Variants in ARHGAP10 observed in about 807,000 individuals in gnomAD.
ARHGAP10 encodes the protein Rho GTPase activating protein 10, also known as rho GTPase-activating protein 10.
A neutral mutation model predicts 108.6 loss-of-function variants in ARHGAP10; 87 were observed. That is an observed-to-expected ratio of 0.80 (90% CI 0.67 to 0.96). The LOEUF (loss-of-function observed/expected upper bound fraction) is 0.96, where lower values mean the gene tolerates loss of function less well. Among genes scored for constraint, ARHGAP10 ranks in the 40% least tolerant of loss-of-function variants. ARHGAP10 has a pLI of 0.00. For missense variants in ARHGAP10, 939 were observed against 954.5 expected (o/e 0.98, Z 0.21); for synonymous variants, 347 against 341.1 (o/e 1.02, Z -0.19).
At chr4:147,910,301 G>A (rs1218426280) in intron 12 of ARHGAP10, among the ~76,000 whole-genome samples, 1 of 151,838 alleles carries the variant, frequency 6.6e-6, no homozygotes, top group Non-Finnish European at 1.5e-5. Context: ...GAGATTACAG[G>A]CGTGAGTCAC....
At chr4:148,032,334 C>T (rs1461567045) in intron 19 of ARHGAP10, among the ~76,000 whole-genome samples, 3 of 43,362 alleles carry the variant, frequency 6.9e-5, no homozygotes, top group African/African-American at 2.9e-4. Flanking sequence ...CTGTCCCCCC[C>T]CCCCCCCCCC....
At chr4:147,778,431 G>A (rs1376800679) in intron 1 of ARHGAP10, among the ~76,000 whole-genome samples, 13 of 152,148 alleles carry the variant, frequency 8.5e-5, no homozygotes. Context: ...TCACAGTCCT[G>A]TTGGAGACCT....
intron 1 of ARHGAP10, among the ~76,000 whole-genome samples, chr4:147,802,273 CAT>C (rs1560766698): frequency 6.6e-6 from 1 of 152,164 alleles, no homozygotes; most frequent in African/African-American, 2.4e-5. Flanking sequence ...TCCCATCACT[CAT>C]AGTAAAACTC....
At chr4:148,034,493 T>G (rs1319699961) in intron 19 of ARHGAP10, among the ~76,000 whole-genome samples, 1 of 151,728 alleles carries the variant, frequency 6.6e-6, no homozygotes, top group Admixed American at 6.6e-5. Context: ...AATTTTTTTT[T>G]TTTTTTTTGT....
rs753893705 is a variant in ARHGAP10, at chr4:147,881,854, T to C, written c.956T>C (p.Phe319Ser). The C allele has an allele frequency of 6.2e-7, 1 of 1,613,962 alleles. No individual in the cohort carries two copies. Among genetic ancestry groups the C allele is most frequent in the Non-Finnish European group, 8.5e-7 (1 of 1,179,966 alleles). The change falls in exon 10 of 23, where the codon TTC (phenylalanine) becomes TCC (serine). Residue 319 changes from phenylalanine (F) to serine (S), a missense_variant. Physicochemically the swap from Phe to Ser is radical, Grantham distance 155. Coordinates refer to ENST00000336498, the MANE Select transcript of ARHGAP10 (RefSeq NM_024605.4). ...SGGKLGDGEVFFLKECTKRHT... is the reference protein window; with the variant it reads ...SGGKLGDGEVSFLKECTKRHT... ...TATTTGCAGGGGGACGGAGAGGTGT[T>C]CTTTTTGAAAGAATGTACCAAGAGG...
chr4:147,930,443 C>T (rs986392913), intron 13 of ARHGAP10, among the ~76,000 whole-genome samples: 21 of 152,120 alleles, frequency 1.4e-4, no homozygotes, highest in African/African-American at 4.8e-4. Flanking sequence ...ATGGAGCTAT[C>T]GGGTATAAAA....
At chr4:147,965,171 C>G (rs1181157185) in intron 17 of ARHGAP10, 42 bp downstream of exon 17, 2 of 1,512,828 alleles carry the variant, frequency 1.3e-6, no homozygotes, top group Non-Finnish European at 1.8e-6. Flanking sequence ...TCACTTTGCT[C>G]TAGGTGCTGG....
intron 13 of ARHGAP10, among the ~76,000 whole-genome samples, chr4:147,922,687 CAAAAAA>C (rs34169210): frequency 2.0e-5 from 2 of 99,240 alleles, no homozygotes; most frequent in Non-Finnish European, 2.1e-5. Context: ...GACTCCGTCT[CAAAAAA>C]AAAAAAAAAA....
chr4:147,946,946 G>C (rs528972002), intron 15 of ARHGAP10, among the ~76,000 whole-genome samples: 24 of 152,306 alleles, frequency 1.6e-4, no homozygotes, highest in African/African-American at 4.3e-4. Context: ...GACATTTTTT[G>C]TGGATGTACA....
At chr4:147,945,945 A>C (rs1738360970) in intron 14 of ARHGAP10, among the ~76,000 whole-genome samples, 1 of 152,176 alleles carries the variant, frequency 6.6e-6, no homozygotes, top group South Asian at 2.1e-4. Context: ...CATGAATTGA[A>C]GAGGTCTGGC....
chr4:147,974,262 C>T (rs1036035100), intron 18 of ARHGAP10, among the ~76,000 whole-genome samples: 14 of 152,132 alleles, frequency 9.2e-5, no homozygotes, highest in Non-Finnish European at 1.3e-4. Flanking sequence ...TTTTGCTTTT[C>T]ATTTCTCTGA....
chr4:147,872,707 T>C (rs989541982), intron 7 of ARHGAP10, among the ~76,000 whole-genome samples: 3 of 152,134 alleles, frequency 2.0e-5, no homozygotes, highest in African/African-American at 7.2e-5. Context: ...GAAAAGAAAA[T>C]GTTATTACAA....
intron 19 of ARHGAP10, among the ~76,000 whole-genome samples, chr4:148,039,303 G>C (rs1485031948): frequency 6.7e-6 from 1 of 149,836 alleles, no homozygotes; most frequent in African/African-American, 2.5e-5. Context: ...ACATTTGAAG[G>C]CAGTTTGAAT....
intron 1 of ARHGAP10, among the ~76,000 whole-genome samples, chr4:147,820,451 A>G (rs555644085): frequency 6.6e-6 from 1 of 151,494 alleles, no homozygotes; most frequent in African/African-American, 2.4e-5. Context: ...ACGCCCGGCT[A>G]ATTTTTGTGT....
intron 17 of ARHGAP10, among the ~76,000 whole-genome samples, chr4:147,965,659 T>A (rs939155355): frequency 6.6e-6 from 1 of 152,190 alleles, no homozygotes; most frequent in Non-Finnish European, 1.5e-5. Flanking sequence ...AGAACCTTTC[T>A]TTTACATATA....
At chr4:147,737,326 C>CT (rs5862810) in intron 1 of ARHGAP10, among the ~76,000 whole-genome samples, 10,982 of 132,982 alleles carry the variant, frequency 0.083, 1,175 homozygotes, top group African/African-American at 0.24. Context: ...AATTTTTGTA[C>CT]TTTTTTTTTT....
At chr4:147,883,230 A>G (rs1735404574) in intron 10 of ARHGAP10, among the ~76,000 whole-genome samples, 1 of 152,146 alleles carries the variant, frequency 6.6e-6, no homozygotes, top group African/African-American at 2.4e-5. Context: ...TATGAAAGAG[A>G]ATGTCAGTGA....
intron 7 of ARHGAP10, 33 bp from the exon 8 acceptor site, chr4:147,874,988 T>G (rs1271182203): frequency 6.5e-7 from 1 of 1,533,070 alleles, no homozygotes. Flanking sequence ...TATGAGAACT[T>G]AACATTTATG....
intron 3 of ARHGAP10, 48 bp downstream of exon 3, chr4:147,823,005 A>G: frequency 6.5e-7 from 1 of 1,547,932 alleles, no homozygotes; most frequent in Non-Finnish European, 8.9e-7. Context: ...CAAGGGGGAA[A>G]AAAATCTGGA....
Sources: allele counts gnomAD v4.1 joint callset (sites outside exome capture counted in the v4.1 genomes callset), GRCh38; gene constraint gnomAD v4.1.1; transcripts MANE v1.5; gene names NCBI Gene and HGNC (gene_info 2026-07-23, HGNC 2026-07-21).